The following CNTNAP2 variants were observed in gnomAD, a reference collection of about 807,000 sequenced individuals.
CNTNAP2 encodes contactin associated protein 2.
CNTNAP2 carries 98 observed loss-of-function variants against 155.2 expected under a neutral mutation model. The observed-to-expected ratio is 0.63, with a 90% CI of 0.54 to 0.75. The LOEUF (loss-of-function observed/expected upper bound fraction) is 0.75, where lower values mean the gene tolerates loss of function less well. Among genes scored for constraint, CNTNAP2 ranks in the 30% least tolerant of loss-of-function variants. CNTNAP2 has a pLI of 0.00. For missense variants in CNTNAP2, 1,727 were observed against 1,688.1 expected, an observed-to-expected ratio of 1.02 and a Z score of -0.40; for synonymous variants, 651 against 631.2, an observed-to-expected ratio of 1.03 and a Z score of -0.47.
chr7:146,768,070 ATAT>A (rs914311795), intron 1 of CNTNAP2, among the ~76,000 whole-genome samples: 1 of 152,154 alleles, frequency 6.6e-6, no homozygotes, highest in African/African-American at 2.4e-5. Flanking sequence ...TACTTTCCAC[ATAT>A]TATTAAAGAA....
chr7:147,806,717 G>T (rs923509341), intron 13 of CNTNAP2, among the ~76,000 whole-genome samples: 4 of 152,130 alleles, frequency 2.6e-5, no homozygotes, highest in African/African-American at 9.7e-5. Context: ...GGAACTGGAG[G>T]TCATTATATT....
intron 9 of CNTNAP2, among the ~76,000 whole-genome samples, chr7:147,316,857 T>A (rs1795242771): frequency 6.6e-6 from 1 of 152,204 alleles, no homozygotes; most frequent in Non-Finnish European, 1.5e-5. Context: ...TGATTTTGAA[T>A]AATATTAAAT....
At chr7:147,822,737 A>G (rs964641871) in intron 13 of CNTNAP2, among the ~76,000 whole-genome samples, 1 of 152,104 alleles carries the variant, frequency 6.6e-6, no homozygotes, top group Non-Finnish European at 1.5e-5. Flanking sequence ...GGATGTTTCA[A>G]AGTTGGATGC....
At chr7:147,612,461 C>G (rs1171723756) in intron 12 of CNTNAP2, among the ~76,000 whole-genome samples, 3 of 149,032 alleles carry the variant, frequency 2.0e-5, no homozygotes, top group African/African-American at 7.5e-5. Context: ...AGTGCAGTGG[C>G]CTGATCTCGG....
At chr7:146,694,877 A>T (rs1800756200) in intron 1 of CNTNAP2, among the ~76,000 whole-genome samples, 2 of 151,282 alleles carry the variant, frequency 1.3e-5, no homozygotes, top group Non-Finnish European at 2.9e-5. Flanking sequence ...TATATTTTTA[A>T]TTTTAAATTC....
chr7:147,426,331 T>G (rs941328137), intron 10 of CNTNAP2, among the ~76,000 whole-genome samples: 10 of 152,116 alleles, frequency 6.6e-5, no homozygotes, highest in Non-Finnish European at 1.3e-4. Flanking sequence ...AACTAAGTGC[T>G]TCTTTGGTGT....
At chr7:147,524,621 G>A (rs1562980091) in intron 11 of CNTNAP2, among the ~76,000 whole-genome samples, 1 of 152,188 alleles carries the variant, frequency 6.6e-6, no homozygotes, top group Admixed American at 6.5e-5. Context: ...GTTCAGGTCA[G>A]CACACCCAAT....
chr7:147,948,973 G>A (rs146361269), intron 14 of CNTNAP2, among the ~76,000 whole-genome samples: 3,806 of 151,974 alleles, frequency 0.025, 66 homozygotes, highest in Middle Eastern at 0.048. Flanking sequence ...AGGCTGAGGC[G>A]GGTGGATCAC....
chr7:146,621,675 C>T (rs1304254806), intron 1 of CNTNAP2, among the ~76,000 whole-genome samples: 1 of 152,126 alleles, frequency 6.6e-6, no homozygotes, highest in East Asian at 1.9e-4. Flanking sequence ...TACACACTAG[C>T]AACACGACTT....
At chr7:147,872,007 C>T (rs902755248) in intron 13 of CNTNAP2, among the ~76,000 whole-genome samples, 8 of 152,154 alleles carry the variant, frequency 5.3e-5, no homozygotes, top group Non-Finnish European at 7.4e-5. Flanking sequence ...TTTTAAATTA[C>T]CACTGTCCCT....
intron 8 of CNTNAP2, among the ~76,000 whole-genome samples, chr7:147,176,581 A>C (rs890007729): frequency 1.6e-4 from 24 of 147,526 alleles, no homozygotes; most frequent in African/African-American, 5.7e-4. Flanking sequence ...GAAATAAACA[A>C]GATAGATTAT....
chr7:146,801,041 G>T (rs1378407464), intron 2 of CNTNAP2, among the ~76,000 whole-genome samples: 1 of 152,136 alleles, frequency 6.6e-6, no homozygotes, highest in East Asian at 1.9e-4. Flanking sequence ...CTGAGGCTGG[G>T]TAATTTATAA....
intron 1 of CNTNAP2, among the ~76,000 whole-genome samples, chr7:146,338,759 T>C (rs749822908): frequency 5.3e-5 from 8 of 152,184 alleles, no homozygotes; most frequent in Non-Finnish European, 1.0e-4. Context: ...TTTAAGAATA[T>C]AGAGTCTTTA....
chr7:148,318,629 C>T (rs1339165442), intron 21 of CNTNAP2, among the ~76,000 whole-genome samples: 1 of 152,156 alleles, frequency 6.6e-6, no homozygotes, highest in Non-Finnish European at 1.5e-5. Context: ...ATTAGGCATG[C>T]TTTTAACAAA....
At chr7:146,658,076 A>G (rs1195977913) in intron 1 of CNTNAP2, among the ~76,000 whole-genome samples, 1 of 152,162 alleles carries the variant, frequency 6.6e-6, no homozygotes, top group African/African-American at 2.4e-5. Flanking sequence ...AACTATCGAG[A>G]GTTGGGAACA....
intron 1 of CNTNAP2, among the ~76,000 whole-genome samples, chr7:146,706,026 T>C (rs1800959515): frequency 6.6e-6 from 1 of 152,112 alleles, no homozygotes; most frequent in Non-Finnish European, 1.5e-5. Context: ...GCCAAATAAC[T>C]TTGTTGTGGT....
intron 13 of CNTNAP2, among the ~76,000 whole-genome samples, chr7:147,883,142 C>T (rs1241269024): frequency 6.6e-6 from 1 of 152,190 alleles, no homozygotes; most frequent in South Asian, 2.1e-4. Flanking sequence ...TATAGAAAGC[C>T]TTGTGCTAGT....
intron 1 of CNTNAP2, among the ~76,000 whole-genome samples, chr7:146,258,144 G>A (rs1252639440): frequency 2.0e-5 from 3 of 152,058 alleles, no homozygotes; most frequent in Admixed American, 1.3e-4. Context: ...CACCTGCCTC[G>A]CCCTTCCAGA....
chr7:146,228,179 T>A (rs986904424), intron 1 of CNTNAP2, among the ~76,000 whole-genome samples: 4 of 152,178 alleles, frequency 2.6e-5, no homozygotes, highest in Admixed American at 6.5e-5. Context: ...CAAGCGATAT[T>A]TGGGGATAAG....
Sources: gnomAD v4.1 joint callset for allele counts (sites outside exome capture counted in the v4.1 genomes callset) on GRCh38, gnomAD v4.1.1 for gene constraint, MANE v1.5 for transcripts, NCBI Gene and HGNC (gene_info 2026-07-23, HGNC 2026-07-21) for gene names.